RASA3: variants seen among roughly 807,000 people sequenced by gnomAD.
RASA3 encodes ras GTPase-activating protein 3.
Under a neutral mutation model 110.0 loss-of-function variants are expected in RASA3, and 73 were observed. The ratio of observed to expected loss-of-function variants is 0.66; its 90% CI spans 0.55 to 0.81. RASA3 has a LOEUF of 0.81. RASA3 is among the 30% of genes least tolerant of loss of function. The probability of loss-of-function intolerance (pLI) is 0.00; values close to 1 mark genes in which losing one functional copy is unlikely to be tolerated. For missense variants in RASA3, 976 were observed against 1,113.2 expected (o/e 0.88, Z 1.75); for synonymous variants, 500 against 451.4 (o/e 1.11, Z -1.37).
chr13:114,089,671 C>T (rs979290905), intron 1 of RASA3, among the ~76,000 whole-genome samples: 5 of 152,310 alleles, frequency 3.3e-5, no homozygotes, highest in African/African-American at 4.8e-5. Flanking sequence ...GTTCACGGCA[C>T]GTGTGTGGGT....
intron 1 of RASA3, among the ~76,000 whole-genome samples, chr13:114,116,987 G>A (rs1459228571): frequency 7.0e-6 from 1 of 142,990 alleles, no homozygotes; most frequent in Non-Finnish European, 1.5e-5. Context: ...ACGTGTGTGA[G>A]GGATGCACAT....
intron 3 of RASA3, among the ~76,000 whole-genome samples, chr13:114,041,804 T>C (rs914276145): frequency 1.3e-5 from 2 of 152,222 alleles, no homozygotes; most frequent in African/African-American, 4.8e-5. Context: ...TCTGAATCTG[T>C]GCCTCTAAAG....
chr13:114,050,307 C>T (rs185005562), intron 3 of RASA3, among the ~76,000 whole-genome samples: 1 of 152,326 alleles, frequency 6.6e-6, no homozygotes, highest in East Asian at 1.9e-4. Flanking sequence ...CACTCAGACA[C>T]CTTCTGCAGC....
intron 1 of RASA3, among the ~76,000 whole-genome samples, chr13:114,129,118 C>T (rs1006136396): frequency 3.3e-5 from 5 of 152,238 alleles, no homozygotes; most frequent in African/African-American, 1.2e-4. Flanking sequence ...GTGGCCGTGG[C>T]GGAAGTGCCC....
chr13:114,039,733 G>C (rs1367087696), intron 4 of RASA3, among the ~76,000 whole-genome samples: 2 of 152,232 alleles, frequency 1.3e-5, no homozygotes, highest in Admixed American at 1.3e-4. Flanking sequence ...TTGCCGGGCA[G>C]CTGGGCACCG....
Position 114,009,396 on chromosome 13 carries a change from C to A in RASA3, c.1659G>T (p.Ala553=), listed in dbSNP as rs751710637. The A allele has an allele frequency of 6.2e-7, 1 of 1,611,674 alleles. No homozygotes were observed. Among genetic ancestry groups the A allele is most frequent in the African/African-American group, 1.3e-5 (1 of 75,038 alleles). Residue 553 remains alanine, a synonymous_variant, in exon 17 of 24, where the codon GCG becomes GCT. Transcript: ENST00000334062. ...EFFNEQKYAD[A]VKNFLDLISS... is the part of the protein sequence containing the mutation. ...GTGAGTCGATACTTACGTTCTTCAC[C>A]GCATCAGCATATTTCTGCTCATTGA...
chr13:114,088,207 C>T (rs2079846002), intron 1 of RASA3, among the ~76,000 whole-genome samples: 1 of 152,170 alleles, frequency 6.6e-6, no homozygotes, highest in South Asian at 2.1e-4. Flanking sequence ...CATGTGAAGG[C>T]CTACACAATT....
chr13:114,004,720 GAGATT>G (rs1247757393), intron 18 of RASA3, among the ~76,000 whole-genome samples: 1 of 152,102 alleles, frequency 6.6e-6, no homozygotes, highest in Non-Finnish European at 1.5e-5. Context: ...GAAACCCACG[GAGATT>G]TCTCAAGAAG....
intron 2 of RASA3, among the ~76,000 whole-genome samples, chr13:114,073,253 G>A (rs912783623): frequency 8.2e-5 from 12 of 145,984 alleles, no homozygotes; most frequent in South Asian, 4.4e-4. Context: ...CCCTACACGC[G>A]GGAAAACGGG....
rs372994416 is a variant in RASA3 at position 114,000,813 on chromosome 13, C to A, written c.1849+13G>T. The A allele has an allele frequency of 1.1e-5, 17 of 1,580,878 alleles. No homozygotes were observed. Among genetic ancestry groups the A allele is most frequent in the Non-Finnish European group, 1.5e-5 (17 of 1,149,836 alleles). On this transcript the variant is annotated intron_variant, in intron 19 of 23. Coordinates refer to ENST00000334062, the MANE Select transcript of RASA3 (RefSeq NM_007368.4). ...CTCCAGCAAGAGCCAGGGAAAGCGACCTTGCTCCTTACCTTTGCTTTTGTG... is the reference window on the plus strand; with the variant it reads ...CTCCAGCAAGAGCCAGGGAAAGCGAACTTGCTCCTTACCTTTGCTTTTGTG...
chr13:114,119,831 T>G (rs868098887), intron 1 of RASA3, among the ~76,000 whole-genome samples: 46 of 21,264 alleles, frequency 2.2e-3, no homozygotes, highest in Admixed American at 0.011. Flanking sequence ...GTCGATCAAG[T>G]CCCCCCCTTC....
intron 1 of RASA3, among the ~76,000 whole-genome samples, chr13:114,122,413 T>C (rs2080390479): frequency 6.6e-6 from 1 of 152,182 alleles, no homozygotes; most frequent in Admixed American, 6.5e-5. Context: ...TCTTCCTGAA[T>C]CTCTGCTAAT....
In RASA3 at chr13:114,068,221, G is replaced by C. The variant is rs576265421; in HGVS notation, c.173+5499C>G. 6.6e-5 allele frequency among the ~76,000 whole-genome samples: 10 copies of C among 152,328 alleles called. No individual in the cohort carries two copies. In the South Asian group the frequency reaches 8.3e-4, roughly 13 times the overall value. The stretch of plus-strand genomic sequence containing the variant: ...GACGCAGGAGCAACTCCACAGAAAG[G>C]GGGGGCCAGGGCTCCGCGTGGGGCA... On this transcript the variant is annotated intron_variant, in intron 2 of 23. Coordinates refer to ENST00000334062, the MANE Select transcript of RASA3 (RefSeq NM_007368.4).
At chr13:114,052,753 T>G (rs555089043) in intron 2 of RASA3, among the ~76,000 whole-genome samples, 103 of 139,148 alleles carry the variant, frequency 7.4e-4, no homozygotes, top group African/African-American at 2.4e-3. Context: ...CTGACTGTGC[T>G]TAGAGTCCTG....
At chr13:113,980,853 G>A (rs2052917584) in intron 23 of RASA3, among the ~76,000 whole-genome samples, 2 of 152,190 alleles carry the variant, frequency 1.3e-5, no homozygotes, top group African/African-American at 4.8e-5. Flanking sequence ...AAGGAAGGAA[G>A]GGAAGGAGGG....
At chr13:113,995,525 C>G (rs1235295286) in intron 21 of RASA3, among the ~76,000 whole-genome samples, 1 of 152,190 alleles carries the variant, frequency 6.6e-6, no homozygotes, top group African/African-American at 2.4e-5. Flanking sequence ...CCAGGGGGAC[C>G]GCCAGGCACC....
chr13:114,042,436 G>A (rs970062443), intron 3 of RASA3, among the ~76,000 whole-genome samples: 2 of 152,260 alleles, frequency 1.3e-5, no homozygotes, highest in African/African-American at 4.8e-5. Context: ...AGTGAGGAAG[G>A]AAATGTTGGC....
chr13:114,109,216 A>ACGCCTCTG (rs2080182621), intron 1 of RASA3, among the ~76,000 whole-genome samples: 1 of 152,116 alleles, frequency 6.6e-6, no homozygotes, highest in Non-Finnish European at 1.5e-5. Context: ...TTTTCAGTCC[A>ACGCCTCTG]CGCCTCTGGT....
At position 113,995,883 on chromosome 13, in the gene RASA3, T is replaced by C. The variant is rs1438032196; in HGVS notation, c.2141+648A>G. 5.5e-5 allele frequency among the ~76,000 whole-genome samples: 2 copies of C among 36,332 alleles called. 1 individual carries two copies. The highest frequency in any genetic ancestry group is 9.4e-5 in the Non-Finnish European group (2 of 21,216). The allele number at this position is 36,332 out of a possible 152,430, so 23.8% of individuals were successfully genotyped here. A position where few individuals can be genotyped will look rare whatever the true frequency, so the allele number is the denominator to read the frequency against. On this transcript the variant is annotated intron_variant, in intron 21 of 23. Coordinates refer to ENST00000334062, the MANE Select transcript of RASA3 (RefSeq NM_007368.4). ...CCGGCTGATGGGGAGGCCCGGCTGA[T>C]GGGGAGGCCCGGCTGATGGGGGACC...
Sources: gnomAD v4.1 joint callset for allele counts (sites outside exome capture counted in the v4.1 genomes callset) on GRCh38, gnomAD v4.1.1 for gene constraint, MANE v1.5 for transcripts, NCBI Gene and HGNC (gene_info 2026-07-23, HGNC 2026-07-21) for gene names.